Variants in SUMF1 observed in about 807,000 individuals in gnomAD.
SUMF1 encodes the protein formylglycine-generating enzyme.
Under a neutral mutation model 47.6 loss-of-function variants are expected in SUMF1, and 48 were observed. That is an observed-to-expected ratio of 1.01 (90% confidence interval 0.80 to 1.28). The LOEUF is 1.28. SUMF1 is among the 50% of genes most tolerant of loss of function. The pLI, the probability that SUMF1 is intolerant of heterozygous loss-of-function variation, is 0.00. For synonymous variants in SUMF1, 230 were observed against 192.1 expected (o/e 1.20, Z -1.63); for missense variants, 571 against 485.4 (o/e 1.18, Z -1.66).
chr3:4,434,636 C>T (rs899273948), intron 3 of SUMF1, among the ~76,000 whole-genome samples: 29 of 152,136 alleles, frequency 1.9e-4, no homozygotes, highest in Admixed American at 2.6e-4. Flanking sequence ...TTTGTAACAG[C>T]TCTATGGGGT....
intron 9 of SUMF1, among the ~76,000 whole-genome samples, chr3:4,055,797 A>G (rs1056695462): frequency 2.6e-5 from 4 of 152,180 alleles, no homozygotes; most frequent in Non-Finnish European, 5.9e-5. Context: ...ACTTAGTTCT[A>G]TAGTTCAGAA....
At chr3:4,341,836 G>A (rs778510215) in intron 8 of SUMF1, among the ~76,000 whole-genome samples, 2 of 152,026 alleles carry the variant, frequency 1.3e-5, no homozygotes, top group African/African-American at 2.4e-5. Flanking sequence ...AATATCAAAC[G>A]CTATTTATGT....
chr3:4,067,504 T>C (rs1242595998), intron 9 of SUMF1, among the ~76,000 whole-genome samples: 8 of 152,138 alleles, frequency 5.3e-5, no homozygotes, highest in Admixed American at 5.2e-4. Context: ...CTTGACTATG[T>C]CATACCTTTT....
chr3:4,195,904 G>C (rs1695416641), intron 8 of SUMF1, among the ~76,000 whole-genome samples: 1 of 151,930 alleles, frequency 6.6e-6, no homozygotes, highest in Non-Finnish European at 1.5e-5. Context: ...AAACATGCTT[G>C]TCATCAACTC....
At chr3:4,095,858 C>T (rs1692891594) in intron 8 of SUMF1, among the ~76,000 whole-genome samples, 1 of 152,128 alleles carries the variant, frequency 6.6e-6, no homozygotes, top group African/African-American at 2.4e-5. Context: ...CTCTGGTATT[C>T]ACTGAACAAG....
intron 5 of SUMF1, among the ~76,000 whole-genome samples, chr3:4,417,716 A>C (rs540114500): frequency 6.6e-6 from 1 of 152,240 alleles, no homozygotes; most frequent in East Asian, 1.9e-4. Flanking sequence ...TGCTAAAAGC[A>C]GGGCAGTCTG....
At chr3:4,108,239 A>G (rs928737254) in intron 8 of SUMF1, among the ~76,000 whole-genome samples, 3 of 152,102 alleles carry the variant, frequency 2.0e-5, no homozygotes, top group African/African-American at 7.2e-5. Context: ...AGCAGTTTTG[A>G]GTGAGTTTCT....
intron 9 of SUMF1, among the ~76,000 whole-genome samples, chr3:4,036,119 G>A (rs1694791446): frequency 6.6e-6 from 1 of 152,038 alleles, no homozygotes; most frequent in African/African-American, 2.4e-5. Context: ...TAGAATATGA[G>A]AAAACAAAAC....
In SUMF1 at chr3:4,100,893, G is replaced by A. The variant is rs576372813; in HGVS notation, c.1015-32148C>T. On this transcript the variant is annotated intron_variant and NMD_transcript_variant, in intron 8 of 12. Transcript: ENST00000448413. ...GAAGACATAGAAATGATCAACAGAT[G>A]TATAAAAAATACTCAATATCTCTAA... Among the ~76,000 whole-genome samples the A allele has an allele frequency of 3.3e-5, 5 of 152,052 alleles. No individual in the cohort carries two copies. The South Asian group carries it at 1.0e-3, about 32-fold the overall frequency.
At chr3:4,447,144 T>C (rs1257971337) in intron 3 of SUMF1, among the ~76,000 whole-genome samples, 2 of 152,130 alleles carry the variant, frequency 1.3e-5, no homozygotes, top group African/African-American at 4.8e-5. Flanking sequence ...GCTGTACATT[T>C]GTGTTGTGTG....
At chr3:4,151,132 T>A (rs1270875187) in intron 8 of SUMF1, among the ~76,000 whole-genome samples, 4 of 151,136 alleles carry the variant, frequency 2.6e-5, no homozygotes, top group Non-Finnish European at 2.9e-5. Context: ...TCTAGGGGTT[T>A]CATGCAACAG....
rs755568275 is a variant in SUMF1 at position 4,156,784 on chromosome 3, G to A, written c.1015-88039C>T. Among the ~76,000 whole-genome samples, 7 of 151,684 alleles carry A rather than the reference G, an allele frequency of 4.6e-5. No individual in the cohort carries two copies. In the East Asian group the frequency reaches 5.8e-4, roughly 13 times the overall value. On this transcript the variant is annotated intron_variant and NMD_transcript_variant, in intron 8 of 12. Transcript: ENST00000448413. ...GCCCTAATTGCTAGACAACCCAAGC[G>A]AATTCAATCCATTTGAGTTCAACTC...
At chr3:4,365,288 G>A (rs1305531653) in intron 8 of SUMF1, among the ~76,000 whole-genome samples, 4 of 120,818 alleles carry the variant, frequency 3.3e-5, no homozygotes, top group Admixed American at 3.2e-4. Context: ...TTTCTGTCTC[G>A]TTGATCTGTC....
chr3:4,142,623 G>C (rs1191362001), intron 8 of SUMF1, among the ~76,000 whole-genome samples: 1 of 152,016 alleles, frequency 6.6e-6, no homozygotes. Context: ...TACAGATAAA[G>C]GCTAATCATC....
At chr3:4,066,052 C>T (rs1050169201) in intron 9 of SUMF1, among the ~76,000 whole-genome samples, 1 of 152,006 alleles carries the variant, frequency 6.6e-6, no homozygotes, top group African/African-American at 2.4e-5. Flanking sequence ...TGACGAAACC[C>T]AACAGAATGA....
At chr3:4,052,495 A>C (rs1244995463) in intron 9 of SUMF1, among the ~76,000 whole-genome samples, 1 of 152,178 alleles carries the variant, frequency 6.6e-6, no homozygotes, top group Non-Finnish European at 1.5e-5. Flanking sequence ...CCTCCCAGAG[A>C]AACTGCAGCT....
At chr3:4,173,062 T>G (rs374313393) in intron 8 of SUMF1, among the ~76,000 whole-genome samples, 1 of 152,226 alleles carries the variant, frequency 6.6e-6, no homozygotes, top group African/African-American at 2.4e-5. Flanking sequence ...GTTTCAGTTT[T>G]CTACATAGGG....
At chr3:4,219,696 A>T (rs753861920) in intron 8 of SUMF1, among the ~76,000 whole-genome samples, 1 of 152,080 alleles carries the variant, frequency 6.6e-6, no homozygotes, top group African/African-American at 2.4e-5. Flanking sequence ...GTTTTTCTCA[A>T]TATTGTTTCT....
chr3:4,041,134 G>A (rs901092087), intron 9 of SUMF1, among the ~76,000 whole-genome samples: 1 of 152,132 alleles, frequency 6.6e-6, no homozygotes, highest in East Asian at 1.9e-4. Context: ...ATGCAGTGGT[G>A]CGATCTCAGC....
Sources: allele counts gnomAD v4.1 joint callset (sites outside exome capture counted in the v4.1 genomes callset), GRCh38; gene constraint gnomAD v4.1.1; transcripts MANE v1.5; gene names NCBI Gene and HGNC (gene_info 2026-07-23, HGNC 2026-07-21).